Variants in DNMT3A observed in about 807,000 individuals in gnomAD.
DNMT3A encodes DNA methyltransferase 3 alpha.
Under a neutral mutation model 117.6 loss-of-function variants are expected in DNMT3A, and 267 were observed. The ratio of observed to expected loss-of-function variants is 2.27; its 90% CI spans 2.05 to 2.51. DNMT3A has a LOEUF of 2.51. Among genes scored for constraint, DNMT3A ranks in the 30% most tolerant of loss-of-function variants. The pLI is 0.00. For missense variants in DNMT3A, 1,029 were observed against 1,260.2 expected (o/e 0.82, Z 2.78); for synonymous variants, 432 against 474.8 (o/e 0.91, Z 1.17).
rs371453693 is a variant in DNMT3A at position 25,275,582 on chromosome 2, C to G, written c.449-39G>C. The stretch of plus-strand genomic sequence containing the variant: ...AGAACAAAGGGACCAGTTCGTTGGT[C>G]GGCAGAATTACTGGAGTGGCTCACA... On this transcript the variant is annotated intron_variant, in intron 4 of 22. Coordinates refer to ENST00000321117, the MANE Select transcript of DNMT3A (RefSeq NM_022552.5). 3 of 1,546,276 alleles carry G rather than the reference C, an allele frequency of 1.9e-6. No individual in the cohort carries two copies. The South Asian group carries it at 3.7e-5, about 19-fold the overall frequency.
rs1158115341 is a variant in DNMT3A, at chr2:25,297,650, A to G, written c.177+2489T>C. On this transcript the variant is annotated intron_variant, in intron 3 of 22. Transcript: ENST00000321117. ...CTCAGCCTCCCGAGTAACTGGGATT[A>G]CAGGCACCCGCCATCATGCCCGGCT... Among the ~76,000 whole-genome samples, 3 of 151,894 alleles carry G rather than the reference A, an allele frequency of 2.0e-5. No homozygotes were observed. In the East Asian group the frequency reaches 5.8e-4, roughly 29 times the overall value.
At chr2:25,256,994 C>A (rs138617698) in intron 6 of DNMT3A, among the ~76,000 whole-genome samples, 302 of 152,268 alleles carry the variant, frequency 2.0e-3, no homozygotes, top group Middle Eastern at 0.014. Context: ...GCCCAAGTTC[C>A]AAGTTGGGGA....
chr2:25,240,118 C>T (rs149134583), intron 19 of DNMT3A, among the ~76,000 whole-genome samples, 184 bp downstream of exon 19: 3 of 152,278 alleles, frequency 2.0e-5, no homozygotes, highest in Admixed American at 6.5e-5. Flanking sequence ...TGGTTCTTTC[C>T]GAGGTAGGCC....
At chr2:25,241,948 C>A (rs532177783) in intron 16 of DNMT3A, 5 of 536,944 alleles carry the variant, frequency 9.3e-6, no homozygotes, top group Non-Finnish European at 1.6e-5. Flanking sequence ...CTGCAGAAAA[C>A]TGACCGGAGA....
At chr2:25,320,929 C>T (rs78424226) in intron 1 of DNMT3A, among the ~76,000 whole-genome samples, 2 of 152,054 alleles carry the variant, frequency 1.3e-5, no homozygotes, top group East Asian at 3.9e-4. Context: ...GTCGGAAGTT[C>T]AAGACCAGCC....
At chr2:25,260,715 C>T (rs573474731) in intron 6 of DNMT3A, among the ~76,000 whole-genome samples, 12 of 152,252 alleles carry the variant, frequency 7.9e-5, no homozygotes, top group African/African-American at 2.2e-4. Context: ...CACACACACA[C>T]ACTCACCATG....
In DNMT3A at chr2:25,247,914, C is replaced by T. The variant is rs1675023258; in HGVS notation, c.855+123G>A. 6.6e-7 allele frequency: 1 copy of T among 1,520,564 alleles called. No homozygotes were observed. The highest frequency in any genetic ancestry group is 8.9e-7 in the Non-Finnish European group (1 of 1,128,668). 94.2% of individuals were successfully genotyped at this position (1,520,564 alleles called of 1,614,324 possible). A position where few individuals can be genotyped will look rare whatever the true frequency, so the allele number is the denominator to read the frequency against. ...AGCAAAATCGGGGAGACGAAGAGGC[C>T]CGGGGTCAGGTGGAGAGAGCGAGCG... On this transcript the variant is annotated intron_variant, in intron 7 of 22. Transcript: ENST00000321117. This position sits in a 1 kb window ranked among gnomAD's most constrained non-coding sequence, Gnocchi z 5.6.
chr2:25,248,651 G>A lies in DNMT3A; in HGVS notation c.640-399C>T, dbSNP rs1675159045. ...CAACCTCCACCTCCCAGGTTCAAGCGATTCGCCTGTCTCAGCCTCCCGAGT... is the reference window on the plus strand; with the variant it reads ...CAACCTCCACCTCCCAGGTTCAAGCAATTCGCCTGTCTCAGCCTCCCGAGT... On this transcript the variant is annotated intron_variant, in intron 6 of 22. Transcript: ENST00000321117. 2.6e-5 allele frequency among the ~76,000 whole-genome samples: 4 copies of A among 151,918 alleles called. No individual in the cohort carries two copies. In the South Asian group the frequency reaches 8.3e-4, roughly 31 times the overall value.
At chr2:25,242,914 A>T (rs932123571) in intron 16 of DNMT3A, among the ~76,000 whole-genome samples, 4 of 49,546 alleles carry the variant, frequency 8.1e-5, no homozygotes, top group Admixed American at 3.0e-4. Context: ...CACTACTTAT[A>T]ATAATAATAA....
In DNMT3A at chr2:25,280,574, GTTCCCC is replaced by G. The variant is rs573470802; in HGVS notation, c.448+1861_448+1866del. On this transcript the variant is annotated intron_variant, in intron 4 of 22. Coordinates refer to ENST00000321117, the MANE Select transcript of DNMT3A (RefSeq NM_022552.5). ...AGGCCAACTCAGGTTCTTCGTTGCA[GTTCCCC>G]TGGACATGTTTCACTTCCCTTAGAG... Among the ~76,000 whole-genome samples the G allele has an allele frequency of 4.6e-3, 697 of 152,300 alleles. 4 individuals are homozygous for G. The highest frequency in any genetic ancestry group is 0.016 in the African/African-American group (674 of 41,552).
chr2:25,244,502 C>T (rs943321595), intron 14 of DNMT3A, 38 bp downstream of exon 14: 3 of 1,609,300 alleles, frequency 1.9e-6, no homozygotes, highest in African/African-American at 2.7e-5. Flanking sequence ...AGCCTGGGGC[C>T]CAGCTAAGGA....
chr2:25,291,123 C>A (rs990611257), intron 3 of DNMT3A, among the ~76,000 whole-genome samples: 1 of 152,222 alleles, frequency 6.6e-6, no homozygotes, highest in Non-Finnish European at 1.5e-5. Flanking sequence ...GATGCCAACA[C>A]AAACACGCCA....
intron 1 of DNMT3A, among the ~76,000 whole-genome samples, chr2:25,328,456 C>G (rs1422093270): frequency 1.3e-5 from 2 of 152,152 alleles, no homozygotes; most frequent in South Asian, 2.1e-4. Context: ...CTCTCCTCCC[C>G]CAAAACACCG....
intron 2 of DNMT3A, among the ~76,000 whole-genome samples, 178 bp from the exon 3 acceptor site, chr2:25,300,421 T>C (rs1271426205): frequency 6.6e-6 from 1 of 150,782 alleles, no homozygotes; most frequent in Non-Finnish European, 1.5e-5. Flanking sequence ...CTGATGAGGC[T>C]TGAGGCACCC....
chr2:25,324,954 C>T (rs1487887777), intron 1 of DNMT3A, among the ~76,000 whole-genome samples: 2 of 152,154 alleles, frequency 1.3e-5, no homozygotes, highest in Middle Eastern at 3.2e-3. Flanking sequence ...AATAAGACGG[C>T]TTGTGGCTCT....
chr2:25,310,726 G>A lies in DNMT3A; in HGVS notation c.72+3187C>T, dbSNP rs569535213. On this transcript the variant is annotated intron_variant, in intron 2 of 22. Coordinates refer to ENST00000321117, the MANE Select transcript of DNMT3A (RefSeq NM_022552.5). ...GGGATTCACATGGAAGAAAAGGGCC[G>A]TGACCCTGCGCTCCAGGCTAGCAGT... is the stretch of plus-strand genomic sequence containing the variant. Among the ~76,000 whole-genome samples the A allele has an allele frequency of 9.2e-5, 14 of 152,336 alleles. No individual in the cohort carries two copies. In the East Asian group the frequency reaches 1.5e-3, roughly 17 times the overall value.
At chr2:25,275,998 C>T (rs1453647256) in intron 4 of DNMT3A, among the ~76,000 whole-genome samples, 1 of 152,144 alleles carries the variant, frequency 6.6e-6, no homozygotes, top group Non-Finnish European at 1.5e-5. Context: ...GCCTCCCTGG[C>T]CCTGCAAGGG....
At chr2:25,302,720 G>A (rs1027748051) in intron 2 of DNMT3A, among the ~76,000 whole-genome samples, 3 of 152,226 alleles carry the variant, frequency 2.0e-5, no homozygotes, top group South Asian at 4.1e-4. Context: ...CAGAGAGGAC[G>A]TATTGCCAGT....
Position 25,228,938 on chromosome 2 carries a change from G to A in DNMT3A, c.*5341C>T, listed in dbSNP as rs1672772517. On this transcript the variant is annotated 3_prime_UTR_variant, in exon 23 of 23. Transcript: ENST00000321117. The stretch of plus-strand genomic sequence containing the variant: ...CACCCCCCAGTGGAGCTGAGCCAGG[G>A]AGCTTTCCAGTTACGGGAGTTTCGG... The A allele has an allele frequency of 6.6e-6, 1 of 152,264 alleles. No homozygotes were observed. The allele number at this position is 152,264 out of a possible 1,614,324, so 9.4% of individuals were successfully genotyped here. A position where few individuals can be genotyped will look rare whatever the true frequency, so the allele number is the denominator to read the frequency against.
Sources: allele counts gnomAD v4.1 joint callset (sites outside exome capture counted in the v4.1 genomes callset), GRCh38; gene constraint gnomAD v4.1.1; non-coding constraint Gnocchi (gnomAD v3.1); transcripts MANE v1.5; gene names NCBI Gene and HGNC (gene_info 2026-07-23, HGNC 2026-07-21).